The following VWC2L variants were observed in gnomAD, a reference collection of about 807,000 sequenced individuals.
VWC2L encodes von Willebrand factor C domain containing 2 like.
Under a neutral mutation model 21.6 loss-of-function variants are expected in VWC2L, and 10 were observed. The ratio of observed to expected loss-of-function variants is 0.46; its 90% CI spans 0.29 to 0.78. The LOEUF is 0.78. VWC2L is among the 30% of genes least tolerant of loss of function. The probability of loss-of-function intolerance (pLI) is 0.10; values close to 1 mark genes in which losing one functional copy is unlikely to be tolerated. For missense variants in VWC2L, 209 were observed against 277.1 expected, an observed-to-expected ratio of 0.75 and a Z score of 1.74; for synonymous variants, 96 against 94.3, an observed-to-expected ratio of 1.02 and a Z score of -0.10.
chr2:214,558,364 T>C (rs1689907688), intron 3 of VWC2L, among the ~76,000 whole-genome samples: 1 of 152,200 alleles, frequency 6.6e-6, no homozygotes, highest in African/African-American at 2.4e-5. Flanking sequence ...CCCAACTCAG[T>C]CAATTCTATT....
chr2:214,508,693 G>C (rs1689005655), intron 3 of VWC2L, among the ~76,000 whole-genome samples: 2 of 151,982 alleles, frequency 1.3e-5, no homozygotes, highest in Admixed American at 1.3e-4. Context: ...ATTTGTAAAA[G>C]TCATATTTTA....
At chr2:214,476,397 T>C (rs1446966891) in intron 3 of VWC2L, among the ~76,000 whole-genome samples, 1 of 152,158 alleles carries the variant, frequency 6.6e-6, no homozygotes, top group African/African-American at 2.4e-5. Context: ...CATATAGTAA[T>C]AGTATAGTAA....
chr2:214,505,412 T>TG (rs923183564), intron 3 of VWC2L, among the ~76,000 whole-genome samples: 3 of 152,222 alleles, frequency 2.0e-5, no homozygotes, highest in African/African-American at 4.8e-5. Context: ...TTTGCAGTTT[T>TG]GGGTTTTTTT....
chr2:214,572,917 G>A (rs1440892040), intron 3 of VWC2L, among the ~76,000 whole-genome samples: 3 of 152,218 alleles, frequency 2.0e-5, no homozygotes, highest in Non-Finnish European at 2.9e-5. Context: ...GGCCTGGCAC[G>A]TGCAAAGATC....
chr2:214,465,039 C>A (rs547032433), intron 3 of VWC2L, among the ~76,000 whole-genome samples: 1 of 152,118 alleles, frequency 6.6e-6, no homozygotes, highest in African/African-American at 2.4e-5. Context: ...AGGCAATGGG[C>A]TCCCCGCTGT....
intron 2 of VWC2L, among the ~76,000 whole-genome samples, chr2:214,421,982 C>T (rs976557923): frequency 4.8e-5 from 7 of 146,802 alleles, no homozygotes; most frequent in African/African-American, 1.8e-4. Context: ...CTCCGCCTCC[C>T]GGGTTCACGC....
At chr2:214,455,015 T>G (rs571337740) in intron 3 of VWC2L, among the ~76,000 whole-genome samples, 16 of 152,336 alleles carry the variant, frequency 1.1e-4, no homozygotes, top group African/African-American at 3.6e-4. Context: ...CATCTAAGCT[T>G]ATGAGGCATA....
intron 3 of VWC2L, among the ~76,000 whole-genome samples, chr2:214,575,034 TAAAAA>T (rs3046806): frequency 1.7e-5 from 2 of 118,452 alleles, no homozygotes; most frequent in Non-Finnish European, 3.5e-5. Context: ...GGTCATTCTT[TAAAAA>T]AAAAAAAAAA....
At chr2:214,505,556 A>G (rs1688956160) in intron 3 of VWC2L, among the ~76,000 whole-genome samples, 1 of 151,356 alleles carries the variant, frequency 6.6e-6, no homozygotes, top group African/African-American at 2.4e-5. Context: ...ATTAGCCATA[A>G]TTAAAAGACA....
At chr2:214,420,761 G>T (rs771460285) in intron 2 of VWC2L, among the ~76,000 whole-genome samples, 7 of 152,178 alleles carry the variant, frequency 4.6e-5, no homozygotes, top group Non-Finnish European at 5.9e-5. Flanking sequence ...ATTTTATGCG[G>T]CAAAGATAAT....
At chr2:214,519,625 G>A (rs1351842586) in intron 3 of VWC2L, among the ~76,000 whole-genome samples, 1 of 152,140 alleles carries the variant, frequency 6.6e-6, no homozygotes, top group Non-Finnish European at 1.5e-5. Flanking sequence ...TCTCTCAAGT[G>A]GTCTTTCTCA....
chr2:214,541,182 A>G (rs1157983204), intron 3 of VWC2L, among the ~76,000 whole-genome samples: 1 of 152,136 alleles, frequency 6.6e-6, no homozygotes, highest in African/African-American at 2.4e-5. Flanking sequence ...TATGTCCTCT[A>G]TTCAGCTATC....
intron 3 of VWC2L, among the ~76,000 whole-genome samples, chr2:214,480,753 A>C (rs747888443): frequency 1.4e-4 from 21 of 150,910 alleles, no homozygotes; most frequent in Non-Finnish European, 1.6e-4. Context: ...CCTTCCTTAA[A>C]GTACATCCCA....
At chr2:214,553,151 G>A (rs554641670) in intron 3 of VWC2L, among the ~76,000 whole-genome samples, 1 of 152,268 alleles carries the variant, frequency 6.6e-6, no homozygotes, top group South Asian at 2.1e-4. Flanking sequence ...TGCTGCTCTT[G>A]CTCCCTCTAG....
chr2:214,537,541 TG>T (rs898939726), intron 3 of VWC2L, among the ~76,000 whole-genome samples: 1 of 151,476 alleles, frequency 6.6e-6, no homozygotes, highest in African/African-American at 2.4e-5. Flanking sequence ...AGTGGAATGG[TG>T]GTTACTAGAG....
chr2:214,560,334 A>G (rs75017224), intron 3 of VWC2L, among the ~76,000 whole-genome samples: 3,340 of 152,254 alleles, frequency 0.022, 60 homozygotes, highest in Non-Finnish European at 0.036. Flanking sequence ...ACAGAGAATA[A>G]AAATAGGAAG....
chr2:214,494,156 T>C (rs1218371981), intron 3 of VWC2L, among the ~76,000 whole-genome samples: 1 of 152,180 alleles, frequency 6.6e-6, no homozygotes, highest in East Asian at 1.9e-4. Flanking sequence ...ACAGTAGTCT[T>C]ATTCAGCATA....
chr2:214,512,623 C>A (rs1251643125), intron 3 of VWC2L, among the ~76,000 whole-genome samples: 1 of 151,934 alleles, frequency 6.6e-6, no homozygotes, highest in East Asian at 1.9e-4. Flanking sequence ...GGACATGTAC[C>A]TGCTGATGAA....
chr2:214,486,201 T>C (rs575536080), intron 3 of VWC2L, among the ~76,000 whole-genome samples: 1 of 152,336 alleles, frequency 6.6e-6, no homozygotes, highest in African/African-American at 2.4e-5. Context: ...GATACTATCA[T>C]TTTTTACAGG....
Sources: allele counts gnomAD v4.1 joint callset (sites outside exome capture counted in the v4.1 genomes callset), GRCh38; gene constraint gnomAD v4.1.1; transcripts MANE v1.5; gene names NCBI Gene and HGNC (gene_info 2026-07-23, HGNC 2026-07-21).